Variants in IFT25 observed in about 807,000 individuals in gnomAD.
The protein encoded by IFT25 is intraflagellar transport 25, also known as intraflagellar transport protein 25 homolog.
the IFT25 span, among the ~76,000 whole-genome samples, chr1:53,912,868 ATCTG>A: frequency 6.6e-6 from 1 of 152,212 alleles, no homozygotes; most frequent in African/African-American, 2.4e-5. Flanking sequence ...GATTCGACAG[ATCTG>A]AGGTTGAGCT....
chr1:53,938,799 G>C, the IFT25 span, among the ~76,000 whole-genome samples: 1 of 152,066 alleles, frequency 6.6e-6, no homozygotes, highest in Non-Finnish European at 1.5e-5. Context: ...TCCTCCACCA[G>C]GCAGGGGGCT....
At chr1:53,931,866 A>G in the IFT25 span, among the ~76,000 whole-genome samples, 2 of 151,344 alleles carry the variant, frequency 1.3e-5, no homozygotes, top group East Asian at 3.9e-4. Flanking sequence ...TTTACTATTT[A>G]TTTTCTTCTA....
chr1:53,939,885 A>G, the IFT25 span: 3 of 697,124 alleles, frequency 4.3e-6, no homozygotes, highest in East Asian at 8.3e-5. Flanking sequence ...AACATTTATT[A>G]AACTATGTTT....
the IFT25 span, chr1:53,916,875 C>T: frequency 2.0e-5 from 8 of 394,476 alleles, no homozygotes; most frequent in South Asian, 7.8e-4. Flanking sequence ...GGCGCAGTGG[C>T]TCACACCTGT....
chr1:53,918,146 T>C, the IFT25 span, among the ~76,000 whole-genome samples: 5 of 152,284 alleles, frequency 3.3e-5, no homozygotes, highest in African/African-American at 9.6e-5. Context: ...CCATCTCAGA[T>C]TGAGCTACAG....
chr1:53,917,160 C>T, the IFT25 span: 1 of 153,304 alleles, frequency 6.5e-6, no homozygotes, highest in Admixed American at 6.6e-5. Context: ...AAAAGAAAAA[C>T]TTGGCAAGAC....
At chr1:53,935,984 G>A in the IFT25 span, among the ~76,000 whole-genome samples, 4 of 152,072 alleles carry the variant, frequency 2.6e-5, no homozygotes, top group East Asian at 1.9e-4. Context: ...TAACTAGGCC[G>A]GGCGCGGTGG....
the IFT25 span, among the ~76,000 whole-genome samples, chr1:53,939,438 T>C: frequency 1.3e-5 from 2 of 151,990 alleles, no homozygotes; most frequent in African/African-American, 4.8e-5. Flanking sequence ...TAACTGCTTT[T>C]TCTTGGAATC....
At chr1:53,922,334 C>T in the IFT25 span, among the ~76,000 whole-genome samples, 3 of 149,822 alleles carry the variant, frequency 2.0e-5, no homozygotes, top group African/African-American at 7.4e-5. Flanking sequence ...GCAGAGATTG[C>T]AGTGAGCAGA....
At chr1:53,944,592 C>T in the IFT25 span, among the ~76,000 whole-genome samples, 1 of 152,190 alleles carries the variant, frequency 6.6e-6, no homozygotes, top group Non-Finnish European at 1.5e-5. Flanking sequence ...CTCAGTGAGG[C>T]GAGACCGCGC....
the IFT25 span, chr1:53,916,510 A>G: frequency 6.4e-6 from 1 of 156,694 alleles, no homozygotes; most frequent in African/African-American, 2.4e-5. Flanking sequence ...GTAAGCCTCA[A>G]CACAGTGTTT....
chr1:53,935,270 G>A, the IFT25 span, among the ~76,000 whole-genome samples: 4 of 152,186 alleles, frequency 2.6e-5, no homozygotes, highest in South Asian at 4.1e-4. Context: ...ACAAGATTGC[G>A]CCACTGCACT....
the IFT25 span, among the ~76,000 whole-genome samples, chr1:53,940,902 A>T: frequency 6.6e-6 from 1 of 151,908 alleles, no homozygotes; most frequent in Non-Finnish European, 1.5e-5. Context: ...TGTAGAGGCC[A>T]GGTGTGGTGG....
the IFT25 span, among the ~76,000 whole-genome samples, chr1:53,936,094 T>C: frequency 6.6e-6 from 1 of 150,656 alleles, no homozygotes; most frequent in Non-Finnish European, 1.5e-5. Context: ...ACCCTGTCTC[T>C]TAAAAAAAAA....
At chr1:53,923,895 T>C in the IFT25 span, 2 of 1,522,758 alleles carry the variant, frequency 1.3e-6, no homozygotes, top group Non-Finnish European at 1.8e-6. Flanking sequence ...ATAAAGTATA[T>C]TCACTTACCA....
the IFT25 span, among the ~76,000 whole-genome samples, chr1:53,934,615 T>C: frequency 5.9e-3 from 906 of 152,312 alleles, 9 homozygotes; most frequent in African/African-American, 0.021. Flanking sequence ...AAATAAAATG[T>C]GCTATATCCA....
At chr1:53,914,678 A>C in the IFT25 span, among the ~76,000 whole-genome samples, 1 of 152,188 alleles carries the variant, frequency 6.6e-6, no homozygotes. Flanking sequence ...CAAAGACTAC[A>C]TGCATGTTTA....
At chr1:53,920,550 C>T in the IFT25 span, among the ~76,000 whole-genome samples, 5 of 152,290 alleles carry the variant, frequency 3.3e-5, no homozygotes, top group South Asian at 1.0e-3. Flanking sequence ...TCCAAAGAGT[C>T]TTGGTTCCAA....
the IFT25 span, among the ~76,000 whole-genome samples, chr1:53,914,402 G>A: frequency 6.6e-6 from 1 of 151,660 alleles, no homozygotes; most frequent in Non-Finnish European, 1.5e-5. Flanking sequence ...TTGAGAAAGG[G>A]GATGGAGTAA....
Sources: allele counts gnomAD v4.1 joint callset (sites outside exome capture counted in the v4.1 genomes callset), GRCh38; gene constraint gnomAD v4.1.1; transcripts MANE v1.5; gene names NCBI Gene and HGNC (gene_info 2026-07-23, HGNC 2026-07-21).